The following SGCD variants were observed in gnomAD, a reference collection of about 807,000 sequenced individuals.
The protein encoded by SGCD is delta-sarcoglycan.
Under a neutral mutation model 36.6 loss-of-function variants are expected in SGCD, and 18 were observed. The ratio of observed to expected loss-of-function variants is 0.49; its 90% CI spans 0.34 to 0.73. The LOEUF (loss-of-function observed/expected upper bound fraction) is 0.73, where lower values mean the gene tolerates loss of function less well. Ranked by LOEUF, SGCD falls within the 30% of genes least tolerant of loss-of-function variation. The pLI is 0.01. For synonymous variants in SGCD, 133 were observed against 130.6 expected, an observed-to-expected ratio of 1.02 and a Z score of -0.12; for missense variants, 387 against 346.7, an observed-to-expected ratio of 1.12 and a Z score of -0.92.
chr5:155,778,775 C>G, the SGCD span, among the ~76,000 whole-genome samples: 2 of 152,184 alleles, frequency 1.3e-5, no homozygotes, highest in Non-Finnish European at 2.9e-5. Context: ...CCGACTCTAT[C>G]TGATTCTGAA....
At chr5:156,273,525 G>A (rs1766234660) in intron 3 of SGCD, among the ~76,000 whole-genome samples, 1 of 152,124 alleles carries the variant, frequency 6.6e-6, no homozygotes, top group Non-Finnish European at 1.5e-5. Context: ...ATCGGGCTCT[G>A]CTGTAACTCT....
intron 4 of SGCD, among the ~76,000 whole-genome samples, chr5:156,520,861 C>CA (rs1315021527): frequency 2.6e-5 from 4 of 151,474 alleles, no homozygotes; most frequent in African/African-American, 2.4e-5. Context: ...ACTAAAAATA[C>CA]AAAAAAATAG....
chr5:155,934,387 G>A (rs933692022), intron 1 of SGCD, among the ~76,000 whole-genome samples: 12 of 152,142 alleles, frequency 7.9e-5, no homozygotes, highest in East Asian at 1.9e-4. Context: ...CTTTTTTTGC[G>A]TAGCACTGAA....
chr5:155,834,087 TTAAA>T, the SGCD span, among the ~76,000 whole-genome samples: 9 of 152,312 alleles, frequency 5.9e-5, no homozygotes, highest in Middle Eastern at 3.4e-3. Context: ...CCATGCAGAG[TTAAA>T]TACTCATTCC....
the SGCD span, among the ~76,000 whole-genome samples, chr5:155,788,148 C>T: frequency 3.3e-5 from 5 of 152,052 alleles, no homozygotes. Flanking sequence ...TCTATTTTTT[C>T]AATTAATACA....
At chr5:156,076,870 CG>C (rs1760799926) in intron 1 of SGCD, among the ~76,000 whole-genome samples, 2 of 152,078 alleles carry the variant, frequency 1.3e-5, no homozygotes, top group Admixed American at 1.3e-4. Flanking sequence ...CTGTATAAGG[CG>C]TCAATGACTT....
At position 156,228,692 on chromosome 5, in the gene SGCD, T is replaced by C. The variant is rs12332466; in HGVS notation, c.-43-100842T>C. Among the ~76,000 whole-genome samples, 1,267 of 151,952 alleles carry C rather than the reference T, an allele frequency of 8.3e-3. 22 individuals are homozygous for C. Among genetic ancestry groups the C allele is most frequent in the African/African-American group, 0.029 (1,210 of 41,240 alleles). ...TCCATTGATCATGCTATTTGTTGCC[T>C]GTATACCGTGGTTTTTTGTTTTTGT... is the stretch of plus-strand genomic sequence containing the variant. On this transcript the variant is annotated intron_variant, in intron 3 of 9. Transcript: ENST00000517913.
rs1055436254 is a variant in SGCD at position 156,329,688 on chromosome 5, G to A, written c.3+109G>A. The A allele has an allele frequency of 6.5e-6, 6 of 916,806 alleles. No individual in the cohort carries two copies. The South Asian group carries it at 1.0e-4, about 16-fold the overall frequency. 56.8% of individuals were successfully genotyped at this position (916,806 alleles called of 1,614,324 possible). Reference sequence around the variant, plus strand: ...CAAAGTGTTATATATGCCTTATCCTGATGAAGACATTTCTTTAATTTTACT... The same window carrying A: ...CAAAGTGTTATATATGCCTTATCCTAATGAAGACATTTCTTTAATTTTACT... On this transcript the variant is annotated intron_variant, in intron 2 of 8. Coordinates refer to ENST00000337851, the MANE Select transcript of SGCD (RefSeq NM_000337.6).
At position 156,317,752 on chromosome 5, in the gene SGCD, C is replaced by T. The variant is rs562204441; in HGVS notation, c.-43-11782C>T. On this transcript the variant is annotated intron_variant, in intron 3 of 9. Coordinates refer to the SGCD transcript ENST00000517913. ...AAATGATGTTTGACTTCATCTTTTA[C>T]GTTGAGCTCAAGTACTGCTGTGGCT... 8.5e-5 allele frequency among the ~76,000 whole-genome samples: 13 copies of T among 152,238 alleles called. No individual in the cohort carries two copies. The South Asian group carries it at 1.2e-3, about 15-fold the overall frequency.
At chr5:156,704,922 A>G (rs956444328) in intron 7 of SGCD, among the ~76,000 whole-genome samples, 4 of 152,028 alleles carry the variant, frequency 2.6e-5, no homozygotes, top group African/African-American at 7.2e-5. Flanking sequence ...AAGACTTTCT[A>G]AAGTACTAAC....
intron 3 of SGCD, among the ~76,000 whole-genome samples, chr5:156,217,451 T>G (rs184395150): frequency 6.6e-6 from 1 of 152,324 alleles, no homozygotes; most frequent in African/African-American, 2.4e-5. Flanking sequence ...TCAAATCATA[T>G]TTTTTCCTTC....
At chr5:156,497,775 A>G (rs1756262886) in intron 3 of SGCD, among the ~76,000 whole-genome samples, 2 of 152,254 alleles carry the variant, frequency 1.3e-5, no homozygotes, top group East Asian at 1.9e-4. Flanking sequence ...GAAAATATGA[A>G]CGAAGTTGAG....
intron 3 of SGCD, among the ~76,000 whole-genome samples, chr5:156,438,276 G>A (rs200210864): frequency 3.3e-5 from 5 of 152,106 alleles, no homozygotes; most frequent in African/African-American, 1.2e-4. Context: ...TGGCGGTTTT[G>A]ACCATATGCT....
intron 3 of SGCD, among the ~76,000 whole-genome samples, chr5:156,145,333 T>C (rs1255692616): frequency 6.6e-6 from 1 of 152,220 alleles, no homozygotes; most frequent in Admixed American, 6.5e-5. Context: ...CCGCAGAAGC[T>C]GAGCTGATGC....
chr5:156,009,416 T>G (rs1758815052), intron 1 of SGCD, among the ~76,000 whole-genome samples: 1 of 152,144 alleles, frequency 6.6e-6, no homozygotes, highest in South Asian at 2.1e-4. Flanking sequence ...GCCAAGTGGC[T>G]CAGTGGGTTT....
intron 3 of SGCD, among the ~76,000 whole-genome samples, chr5:156,477,219 A>G (rs1452108626): frequency 6.6e-6 from 1 of 152,116 alleles, no homozygotes; most frequent in African/African-American, 2.4e-5. Flanking sequence ...AAAATATGGT[A>G]TTTGTTTAGA....
intron 1 of SGCD, among the ~76,000 whole-genome samples, chr5:155,971,136 C>A (rs1276993417): frequency 6.6e-6 from 1 of 152,084 alleles, no homozygotes; most frequent in Admixed American, 6.6e-5. Flanking sequence ...TCTGTGGTCA[C>A]CCCTGGCTAC....
intron 3 of SGCD, among the ~76,000 whole-genome samples, chr5:156,240,842 G>T (rs1006391036): frequency 6.6e-6 from 1 of 152,130 alleles, no homozygotes; most frequent in Non-Finnish European, 1.5e-5. Context: ...ACCAAAAGCC[G>T]ACAGATAAGA....
At chr5:156,025,985 G>A (rs866683490) in intron 1 of SGCD, among the ~76,000 whole-genome samples, 1 of 152,206 alleles carries the variant, frequency 6.6e-6, no homozygotes, top group Non-Finnish European at 1.5e-5. Context: ...GAGCCACAAG[G>A]TGACATCATT....
Sources: allele counts gnomAD v4.1 joint callset (sites outside exome capture counted in the v4.1 genomes callset), GRCh38; gene constraint gnomAD v4.1.1; transcripts MANE v1.5; gene names NCBI Gene and HGNC (gene_info 2026-07-23, HGNC 2026-07-21).